Variants in PHLPP1 observed in about 807,000 individuals in gnomAD.
PHLPP1 encodes PH domain leucine-rich repeat-containing protein phosphatase 1.
PHLPP1 carries 42 observed loss-of-function variants against 117.2 expected under a neutral mutation model. The ratio of observed to expected loss-of-function variants is 0.36; its 90% CI spans 0.28 to 0.46. The LOEUF (loss-of-function observed/expected upper bound fraction) is 0.46, where lower values mean the gene tolerates loss of function less well. Among genes scored for constraint, PHLPP1 ranks in the 20% least tolerant of loss-of-function variants. The pLI, the probability that PHLPP1 is intolerant of heterozygous loss-of-function variation, is 1.00. For synonymous variants in PHLPP1, 1,042 were observed against 970.7 expected (o/e 1.07, Z -1.37); for missense variants, 2,084 against 2,241.9 (o/e 0.93, Z 1.42).
At chr18:62,869,733 A>C (rs1311043512) in intron 4 of PHLPP1, among the ~76,000 whole-genome samples, 3 of 152,178 alleles carry the variant, frequency 2.0e-5, no homozygotes, top group Admixed American at 1.3e-4. Context: ...GAGAATTTTA[A>C]AATTTTACAC....
chr18:62,940,557 G>T (rs2144451946), intron 10 of PHLPP1, among the ~76,000 whole-genome samples: 1 of 151,522 alleles, frequency 6.6e-6, no homozygotes, highest in East Asian at 1.9e-4. Context: ...GTAGAAACAG[G>T]GTTTCACCAT....
chr18:62,718,693 T>A (rs1396331267), intron 1 of PHLPP1, among the ~76,000 whole-genome samples: 1 of 152,236 alleles, frequency 6.6e-6, no homozygotes, highest in African/African-American at 2.4e-5. Context: ...CTGTATTCTT[T>A]TCTCCTTTAA....
intron 1 of PHLPP1, among the ~76,000 whole-genome samples, chr18:62,761,893 G>A (rs1312755026): frequency 6.6e-6 from 1 of 152,040 alleles, no homozygotes; most frequent in African/African-American, 2.4e-5. Context: ...ATAGGCATGA[G>A]CTGCCGCACT....
intron 1 of PHLPP1, among the ~76,000 whole-genome samples, chr18:62,732,378 C>G (rs1246078976): frequency 6.6e-6 from 1 of 152,136 alleles, no homozygotes. Flanking sequence ...AATAACAAAG[C>G]TGGATTACAG....
In PHLPP1 at chr18:62,921,965, G is replaced by A. The variant is rs553829805; in HGVS notation, c.2960+1851G>A. 9.2e-5 allele frequency among the ~76,000 whole-genome samples: 14 copies of A among 152,236 alleles called. No individual in the cohort carries two copies. The South Asian group carries it at 2.7e-3, about 29-fold the overall frequency. On this transcript the variant is annotated intron_variant, in intron 10 of 16. Coordinates refer to ENST00000262719, the MANE Select transcript of PHLPP1 (RefSeq NM_194449.4). The stretch of plus-strand genomic sequence containing the variant: ...TCAGTGTACTCATGTAAGTTATAAT[G>A]AATTCCAACTGGAATAATTATAAAG...
chr18:62,867,244 A>G (rs1915793099), intron 4 of PHLPP1, among the ~76,000 whole-genome samples: 1 of 151,958 alleles, frequency 6.6e-6, no homozygotes, highest in Non-Finnish European at 1.5e-5. Flanking sequence ...TCTAAATATT[A>G]TGTGTATACT....
chr18:62,855,301 C>G (rs996088231), intron 3 of PHLPP1, among the ~76,000 whole-genome samples: 3 of 152,192 alleles, frequency 2.0e-5, no homozygotes, highest in East Asian at 1.9e-4. Flanking sequence ...TTATTTCAGG[C>G]AGGATCTCAG....
At chr18:62,898,538 C>T (rs902754550) in intron 6 of PHLPP1, among the ~76,000 whole-genome samples, 1 of 152,092 alleles carries the variant, frequency 6.6e-6, no homozygotes, top group East Asian at 1.9e-4. Flanking sequence ...GGTACTCAAG[C>T]CCTCATATTT....
intron 1 of PHLPP1, among the ~76,000 whole-genome samples, chr18:62,758,667 C>G (rs918328590): frequency 6.6e-6 from 1 of 152,110 alleles, no homozygotes; most frequent in African/African-American, 2.4e-5. Context: ...CTAGTAAATC[C>G]ATTTCAGAAA....
intron 8 of PHLPP1, among the ~76,000 whole-genome samples, chr18:62,913,980 C>T (rs1045115648): frequency 4.6e-5 from 7 of 151,948 alleles, no homozygotes; most frequent in African/African-American, 1.2e-4. Flanking sequence ...TCCTGACCTC[C>T]GGTGATCTGC....
intron 1 of PHLPP1, among the ~76,000 whole-genome samples, chr18:62,735,051 T>C (rs1050749799): frequency 1.3e-5 from 2 of 151,652 alleles, no homozygotes; most frequent in East Asian, 1.9e-4. Flanking sequence ...TTTTTTTTTT[T>C]TTCTTTTTTT....
At chr18:62,818,030 T>C (rs1914343547) in intron 1 of PHLPP1, among the ~76,000 whole-genome samples, 1 of 151,810 alleles carries the variant, frequency 6.6e-6, no homozygotes, top group African/African-American at 2.4e-5. Flanking sequence ...AATTTTTGTA[T>C]GTTTAGCCGA....
chr18:62,894,713 TA>T (rs1916509944), intron 4 of PHLPP1, among the ~76,000 whole-genome samples: 1 of 152,238 alleles, frequency 6.6e-6, no homozygotes, highest in Admixed American at 6.5e-5. Flanking sequence ...TTAATTAAGC[TA>T]ATTGAGATAC....
chr18:62,822,576 G>A (rs1009369977), intron 1 of PHLPP1, among the ~76,000 whole-genome samples: 4 of 151,958 alleles, frequency 2.6e-5, no homozygotes, highest in African/African-American at 4.8e-5. Context: ...GAGCCACTGC[G>A]CCTGGCCGCC....
At chr18:62,792,606 C>T (rs1174052113) in intron 1 of PHLPP1, among the ~76,000 whole-genome samples, 3 of 152,110 alleles carry the variant, frequency 2.0e-5, no homozygotes, top group Non-Finnish European at 2.9e-5. Context: ...TGTGGTGGCT[C>T]ACGCCTGTAA....
At chr18:62,976,808 G>GT (rs1262000580) in intron 16 of PHLPP1, among the ~76,000 whole-genome samples, 1 of 152,202 alleles carries the variant, frequency 6.6e-6, no homozygotes, top group Non-Finnish European at 1.5e-5. Flanking sequence ...GGTTCTATGG[G>GT]TTTTATCAAC....
Position 62,730,790 on chromosome 18 carries a change from CAA to C in PHLPP1, c.1576+13548_1576+13549del, listed in dbSNP as rs34266723. Among the ~76,000 whole-genome samples the C allele has an allele frequency of 4.8e-4, 34 of 70,580 alleles. 1 individual carries two copies. The highest frequency in any genetic ancestry group is 5.2e-4 in the African/African-American group (9 of 17,364). 46.3% of individuals were successfully genotyped at this position (70,580 alleles called of 152,430 possible). A position where few individuals can be genotyped will look rare whatever the true frequency, so the allele number is the denominator to read the frequency against. ...CTGGGCAATGAGCAAAACTTTGTCT[CAA>C]AAAAAAAAAAAAAAAACTGTTTTGA... On this transcript the variant is annotated intron_variant, in intron 1 of 16. Transcript: ENST00000262719.
chr18:62,721,429 GGTGT>G (rs71340107), intron 1 of PHLPP1, among the ~76,000 whole-genome samples: 3,854 of 144,350 alleles, frequency 0.027, 76 homozygotes, highest in Non-Finnish European at 0.043. Flanking sequence ...GAGGGGTGTG[GGTGT>G]GTGTGTGTGT....
intron 1 of PHLPP1, among the ~76,000 whole-genome samples, chr18:62,723,515 GCTCT>G (rs1259187637): frequency 6.6e-6 from 1 of 152,174 alleles, no homozygotes; most frequent in African/African-American, 2.4e-5. Context: ...TGTATTTGTT[GCTCT>G]CTATTTCTTC....
Sources: gnomAD v4.1 joint callset for allele counts (sites outside exome capture counted in the v4.1 genomes callset) on GRCh38, gnomAD v4.1.1 for gene constraint, MANE v1.5 for transcripts, NCBI Gene and HGNC (gene_info 2026-07-23, HGNC 2026-07-21) for gene names.